BMP2K: variants seen among roughly 807,000 people sequenced by gnomAD.
The protein encoded by BMP2K is BMP2 inducible kinase, also known as BMP-2-inducible protein kinase.
In BMP2K, 74 loss-of-function variants were observed where a neutral mutation model predicts 116.0. That is an observed-to-expected ratio of 0.64 (90% confidence interval 0.53 to 0.77). BMP2K has a LOEUF of 0.77. Among genes scored for constraint, BMP2K ranks in the 30% least tolerant of loss-of-function variants. The pLI, the probability that BMP2K is intolerant of heterozygous loss-of-function variation, is 0.00. For missense variants in BMP2K, 1,365 were observed against 1,403.6 expected (o/e 0.97, Z 0.44); for synonymous variants, 486 against 502.5 (o/e 0.97, Z 0.44).
intron 1 of BMP2K, among the ~76,000 whole-genome samples, chr4:78,823,786 A>G (rs998655625): frequency 4.6e-5 from 7 of 152,024 alleles, no homozygotes; most frequent in African/African-American, 1.7e-4. Flanking sequence ...TGTTTGGGAA[A>G]GCATTGTTAT....
intron 13 of BMP2K, among the ~76,000 whole-genome samples, chr4:78,877,746 C>T (rs1732698139): frequency 6.6e-6 from 1 of 152,132 alleles, no homozygotes; most frequent in Admixed American, 6.5e-5. Context: ...AATTGTATTG[C>T]TATACTTTTA....
chr4:78,834,619 A>C (rs1210188665), intron 3 of BMP2K, among the ~76,000 whole-genome samples: 1 of 152,198 alleles, frequency 6.6e-6, no homozygotes, highest in Non-Finnish European at 1.5e-5. Context: ...ACAAACTTGC[A>C]AGCCATATTT....
In BMP2K at chr4:78,776,490, G is replaced by T. The variant is rs1185621715; in HGVS notation, c.-54G>T. 3 of 1,118,258 alleles carry T rather than the reference G, an allele frequency of 2.7e-6. No individual in the cohort carries two copies. Among genetic ancestry groups the T allele is most frequent in the East Asian group, 5.1e-5 (1 of 19,446 alleles). 69.3% of individuals were successfully genotyped at this position (1,118,258 alleles called of 1,614,324 possible). ...TCGCGGACGCCCGGCTGCGCGCCGG[G>T]CCGGGGACTTGCCCTTGCACGCTCC... On this transcript the variant is annotated 5_prime_UTR_variant, in exon 1 of 16. Transcript: ENST00000502613.
chr4:78,887,390 A>G, intron 15 of BMP2K, 106 bp downstream of exon 15: 1 of 804,560 alleles, frequency 1.2e-6, no homozygotes, highest in Non-Finnish European at 2.0e-6. Flanking sequence ...TAGCTACAGA[A>G]AGTAGAAAAT....
chr4:78,884,630 T>C (rs1732995992), intron 14 of BMP2K, among the ~76,000 whole-genome samples: 1 of 152,180 alleles, frequency 6.6e-6, no homozygotes, highest in South Asian at 2.1e-4. Flanking sequence ...CACCCCCTCT[T>C]TTCTCTGTCC....
At chr4:78,877,096 G>A (rs1300251840) in intron 13 of BMP2K, among the ~76,000 whole-genome samples, 1 of 152,124 alleles carries the variant, frequency 6.6e-6, no homozygotes, top group African/African-American at 2.4e-5. Flanking sequence ...GAGCTTAGAG[G>A]ACTGGAAGTT....
At chr4:78,843,274 G>A (rs1307557249) in intron 4 of BMP2K, among the ~76,000 whole-genome samples, 1 of 151,072 alleles carries the variant, frequency 6.6e-6, no homozygotes, top group Non-Finnish European at 1.5e-5. Context: ...CACCTTCTCA[G>A]TGAGTCCCAT....
intron 14 of BMP2K, chr4:78,879,219 TATTTTGCCTTACTAATG>T: frequency 9.6e-7 from 1 of 1,038,524 alleles, no homozygotes; most frequent in Non-Finnish European, 1.2e-6. Context: ...GACATTTTAT[TATTTTGCCTTACTAATG>T]ATTTTGCAGC....
chr4:78,801,465 C>T (rs967984501), intron 1 of BMP2K, among the ~76,000 whole-genome samples: 4 of 151,938 alleles, frequency 2.6e-5, no homozygotes, highest in Admixed American at 2.0e-4. Context: ...ACCCCTACTC[C>T]CCTCTTAACA....
In BMP2K at chr4:78,871,070, T is replaced by C. The variant is rs372837691; in HGVS notation, c.1509+10T>C. On this transcript the variant is annotated intron_variant, in intron 11 of 15. Coordinates refer to ENST00000502613, the MANE Select transcript of BMP2K (RefSeq NM_198892.2). ...TGCTTATATGCAGCAGGTAATTTTT[T>C]TGTTTCTTTAGATATGGAAGTAGTG... 2.3e-5 allele frequency: 37 copies of C among 1,600,620 alleles called. No individual in the cohort carries two copies. The African/African-American group carries it at 4.7e-4, about 20-fold the overall frequency.
At chr4:78,833,019 C>T (rs1379432767) in intron 2 of BMP2K, among the ~76,000 whole-genome samples, 1 of 151,960 alleles carries the variant, frequency 6.6e-6, no homozygotes, top group South Asian at 2.1e-4. Flanking sequence ...GTAAAAGACA[C>T]AAAAGTTTCA....
rs751184246 is a variant in BMP2K at position 78,912,070 on chromosome 4, C to CA, written c.*43dup. 6 of 1,521,144 alleles carry CA rather than the reference C, an allele frequency of 3.9e-6. 1 individual carries two copies. The highest frequency in any genetic ancestry group is 4.1e-5 in the Admixed American group (2 of 48,566). 94.2% of individuals were successfully genotyped at this position (1,521,144 alleles called of 1,614,324 possible). ...GGATTCTCGGCATTAACTCCTGTTT[C>CA]AAAAAAGTGTGAACAGTTTTATGAA... On this transcript the variant is annotated 3_prime_UTR_variant, in exon 16 of 16. Transcript: ENST00000502613.
chr4:78,868,165 A>G (rs796273846), intron 10 of BMP2K, among the ~76,000 whole-genome samples: 1 of 152,180 alleles, frequency 6.6e-6, no homozygotes, highest in South Asian at 2.1e-4. Flanking sequence ...GGGGGAAAAA[A>G]AGAGGTTTAA....
At chr4:78,776,847 C>A in intron 1 of BMP2K, 126 bp downstream of exon 1, 1 of 955,980 alleles carries the variant, frequency 1.0e-6, no homozygotes, top group Non-Finnish European at 1.3e-6. Context: ...GCCGGGCCAG[C>A]GGGGGCTCCT....
rs756030530 is a variant in BMP2K, at chr4:78,911,893, G to A, written c.3346G>A (p.Asp1116Asn). The part of the protein sequence containing the change: ...NSLHGSFHSA[D>N]VLKMDDFGAV... ...ACTACATGGGTCATTCCATAGTGCA[G>A]ATGTATTGAAAATGGATGATTTTGG... Residue 1116 changes from aspartate to asparagine, a missense_variant, in exon 16 of 16, where the codon GAT becomes AAT. Physicochemically the swap from Asp to Asn is conservative, Grantham distance 23. Coordinates refer to ENST00000502613, the MANE Select transcript of BMP2K (RefSeq NM_198892.2). 5 of 1,613,984 alleles carry A rather than the reference G, an allele frequency of 3.1e-6. No homozygotes were observed. In the East Asian group the frequency reaches 1.1e-4, roughly 36 times the overall value.
intron 15 of BMP2K, among the ~76,000 whole-genome samples, chr4:78,891,518 C>T (rs1412121628): frequency 6.6e-6 from 1 of 152,042 alleles, no homozygotes; most frequent in Non-Finnish European, 1.5e-5. Flanking sequence ...GATATTGTGC[C>T]GTTTGGATTG....
intron 13 of BMP2K, among the ~76,000 whole-genome samples, chr4:78,873,133 T>G (rs990276325): frequency 6.6e-6 from 1 of 152,214 alleles, no homozygotes; most frequent in African/African-American, 2.4e-5. Context: ...AAAAAAATCC[T>G]TGTAGACTTT....
At chr4:78,908,227 C>G (rs140012015) in intron 15 of BMP2K, among the ~76,000 whole-genome samples, 64 of 152,308 alleles carry the variant, frequency 4.2e-4, no homozygotes, top group African/African-American at 1.4e-3. Context: ...GTCTCCCACA[C>G]ATTCTTTAGC....
intron 1 of BMP2K, among the ~76,000 whole-genome samples, chr4:78,777,334 C>G (rs774919568): frequency 4.6e-5 from 7 of 152,176 alleles, no homozygotes; most frequent in Non-Finnish European, 4.4e-5. Context: ...CTCTGTTGGA[C>G]AAGGTGCTAT....
Sources: gnomAD v4.1 joint callset for allele counts (sites outside exome capture counted in the v4.1 genomes callset) on GRCh38, gnomAD v4.1.1 for gene constraint, MANE v1.5 for transcripts, NCBI Gene and HGNC (gene_info 2026-07-23, HGNC 2026-07-21) for gene names.